Variants in KCNIP1 observed in about 807,000 individuals in gnomAD.
The protein encoded by KCNIP1 is potassium voltage-gated channel interacting protein 1.
KCNIP1 carries 18 observed loss-of-function variants against 33.0 expected under a neutral mutation model. That is an observed-to-expected ratio of 0.55 (90% CI 0.38 to 0.81). The LOEUF (loss-of-function observed/expected upper bound fraction) is 0.81, where lower values mean the gene tolerates loss of function less well. Among genes scored for constraint, KCNIP1 ranks in the 30% least tolerant of loss-of-function variants. The pLI is 0.00. For missense variants in KCNIP1, 238 were observed against 271.6 expected (o/e 0.88, Z 0.87); for synonymous variants, 93 against 98.3 (o/e 0.95, Z 0.32).
At chr5:170,724,810 A>G (rs1378550443) in intron 5 of KCNIP1, among the ~76,000 whole-genome samples, 6 of 152,236 alleles carry the variant, frequency 3.9e-5, no homozygotes, top group Non-Finnish European at 7.3e-5. Flanking sequence ...TATTGCTGAA[A>G]TAAAGTAAAG....
At chr5:170,583,710 C>T (rs1345204831) in intron 1 of KCNIP1, among the ~76,000 whole-genome samples, 1 of 152,178 alleles carries the variant, frequency 6.6e-6, no homozygotes, top group African/African-American at 2.4e-5. Context: ...CACCCACCCC[C>T]GAGGCAATGA....
chr5:170,372,592 C>T (rs1446316747), intron 1 of KCNIP1, among the ~76,000 whole-genome samples: 2 of 152,192 alleles, frequency 1.3e-5, no homozygotes, highest in Middle Eastern at 3.4e-3. Context: ...AAAAAAGACA[C>T]TCCTATCGCC....
At chr5:170,439,885 C>T (rs960633172) in intron 1 of KCNIP1, among the ~76,000 whole-genome samples, 2 of 152,214 alleles carry the variant, frequency 1.3e-5, no homozygotes, top group African/African-American at 2.4e-5. Context: ...AGGCCCATCC[C>T]TTCCTTCATA....
At position 170,703,195 on chromosome 5, in the gene KCNIP1, AC is replaced by A. The variant is rs1354567904; in HGVS notation, c.62-15561del. On this transcript the variant is annotated intron_variant, in intron 1 of 7. Coordinates refer to ENST00000328939, the MANE Select transcript of KCNIP1 (RefSeq NM_014592.4). ...TGAAGTTCTGTCATGTCTCTAGACC[AC>A]CACCAAACACATAAAAGTCACTTAG... 2.9e-5 allele frequency among the ~76,000 whole-genome samples: 4 copies of A among 137,778 alleles called. 1 individual carries two copies. The highest frequency in any genetic ancestry group is 1.1e-4 in the African/African-American group (4 of 37,650). The allele number at this position is 137,778 out of a possible 152,430, so 90.4% of individuals were successfully genotyped here.
chr5:170,370,210 A>G (rs1238357530), intron 1 of KCNIP1, among the ~76,000 whole-genome samples: 1 of 152,194 alleles, frequency 6.6e-6, no homozygotes, highest in Non-Finnish European at 1.5e-5. Flanking sequence ...CCAAATCGAA[A>G]AGAATCTGAA....
intron 1 of KCNIP1, among the ~76,000 whole-genome samples, chr5:170,619,211 A>G (rs1327618313): frequency 6.6e-6 from 1 of 152,182 alleles, no homozygotes; most frequent in Non-Finnish European, 1.5e-5. Context: ...ATGGCATGCC[A>G]TCTTCCCTTC....
At chr5:170,362,097 G>A (rs1025988170) in intron 1 of KCNIP1, among the ~76,000 whole-genome samples, 2 of 152,218 alleles carry the variant, frequency 1.3e-5, no homozygotes, top group Non-Finnish European at 2.9e-5. Flanking sequence ...AGCATTGCCT[G>A]AGCACTCCAT....
At chr5:170,362,870 C>T (rs1323838574) in intron 1 of KCNIP1, among the ~76,000 whole-genome samples, 1 of 152,196 alleles carries the variant, frequency 6.6e-6, no homozygotes, top group Non-Finnish European at 1.5e-5. Context: ...TGCTCGGTGT[C>T]TGCAAAACTC....
intron 1 of KCNIP1, among the ~76,000 whole-genome samples, chr5:170,632,167 G>C (rs1429100364): frequency 6.6e-6 from 1 of 152,138 alleles, no homozygotes; most frequent in East Asian, 1.9e-4. Context: ...CTGAATCAAG[G>C]CTCTCGGAGC....
Position 170,597,814 on chromosome 5 carries a change from T to G in KCNIP1, c.61+93181T>G, listed in dbSNP as rs7732499. Among the ~76,000 whole-genome samples the G allele has an allele frequency of 3.8e-3, 42 of 11,068 alleles. 1 individual carries two copies. Among genetic ancestry groups the G allele is most frequent in the African/African-American group, 6.7e-3 (40 of 5,972 alleles). The allele number at this position is 11,068 out of a possible 152,430, so 7.3% of individuals were successfully genotyped here. ...ATATATATATATATATATATATATA[T>G]ATATATATATATATATGAAAGAAAG... is the stretch of plus-strand genomic sequence containing the variant. On this transcript the variant is annotated intron_variant, in intron 1 of 7. Transcript: ENST00000328939.
At chr5:170,457,076 A>G (rs1309645334) in intron 1 of KCNIP1, among the ~76,000 whole-genome samples, 1 of 152,198 alleles carries the variant, frequency 6.6e-6, no homozygotes, top group East Asian at 1.9e-4. Flanking sequence ...GAATACTTAA[A>G]TTACCATAAT....
intron 1 of KCNIP1, among the ~76,000 whole-genome samples, chr5:170,714,221 G>A (rs1027810628): frequency 6.6e-6 from 1 of 152,160 alleles, no homozygotes; most frequent in Admixed American, 6.5e-5. Flanking sequence ...TGGTACACAA[G>A]CACACAGCTT....
At chr5:170,386,083 C>T (rs1764458822) in intron 1 of KCNIP1, among the ~76,000 whole-genome samples, 1 of 151,276 alleles carries the variant, frequency 6.6e-6, no homozygotes, top group Non-Finnish European at 1.5e-5. Context: ...CAGAGATGCG[C>T]CACTGCACTC....
chr5:170,496,776 A>G (rs1010618870), intron 1 of KCNIP1, among the ~76,000 whole-genome samples: 9 of 151,762 alleles, frequency 5.9e-5, no homozygotes, highest in East Asian at 1.9e-4. Flanking sequence ...TCCACCCTCA[A>G]CCTCACCACT....
intron 1 of KCNIP1, among the ~76,000 whole-genome samples, chr5:170,667,449 C>A (rs556413859): frequency 6.5e-4 from 99 of 152,314 alleles, no homozygotes; most frequent in African/African-American, 2.4e-3. Flanking sequence ...TTTGCACAAG[C>A]AAACTGCCTT....
intron 1 of KCNIP1, among the ~76,000 whole-genome samples, chr5:170,414,079 G>T (rs1169525900): frequency 6.6e-6 from 1 of 152,154 alleles, no homozygotes; most frequent in East Asian, 1.9e-4. Flanking sequence ...GCCTTAGGAA[G>T]AACTCTGAGA....
chr5:170,608,941 T>C (rs1407773776), intron 1 of KCNIP1, among the ~76,000 whole-genome samples: 1 of 152,160 alleles, frequency 6.6e-6, no homozygotes, highest in African/African-American at 2.4e-5. Flanking sequence ...AAGGCTATCC[T>C]GGCTCTGAGT....
chr5:170,722,002 C>T (rs1051491397), intron 4 of KCNIP1, 99 bp downstream of exon 4: 14 of 1,370,630 alleles, frequency 1.0e-5, no homozygotes, highest in South Asian at 7.7e-5. Context: ...CCATCAAAAG[C>T]TCTCAGTCAG....
chr5:170,622,266 A>C (rs1561723263), intron 1 of KCNIP1, among the ~76,000 whole-genome samples: 1 of 152,154 alleles, frequency 6.6e-6, no homozygotes, highest in Non-Finnish European at 1.5e-5. Flanking sequence ...TATGGGTCTC[A>C]AGATGAAATC....
Sources: allele counts gnomAD v4.1 joint callset (sites outside exome capture counted in the v4.1 genomes callset), GRCh38; gene constraint gnomAD v4.1.1; transcripts MANE v1.5; gene names NCBI Gene and HGNC (gene_info 2026-07-23, HGNC 2026-07-21).